Variants in KALRN observed in about 807,000 individuals in gnomAD.
The protein encoded by KALRN is kalirin.
KALRN carries 70 observed loss-of-function variants against 353.7 expected under a neutral mutation model. That is an observed-to-expected ratio of 0.20 (90% confidence interval 0.16 to 0.24). KALRN has a LOEUF of 0.24. Ranked by LOEUF, KALRN falls within the 10% of genes least tolerant of loss-of-function variation. KALRN has a pLI of 1.00. For synonymous variants in KALRN, 1,391 were observed against 1,434.8 expected (o/e 0.97, Z 0.69); for missense variants, 2,791 against 3,756.7 (o/e 0.74, Z 6.72).
rs1039008684 is a variant in KALRN, at chr3:124,527,090, G to T, written c.4935+30677G>T. ...ACATGTTATGGTGAAAAATAAAGCT[G>T]CAAAGGAATGTAGGGAGTGCAGGAG... On this transcript the variant is annotated intron_variant, in intron 33 of 59. Coordinates refer to ENST00000682506, the MANE Select transcript of KALRN (RefSeq NM_001388419.1). Among the ~76,000 whole-genome samples the T allele has an allele frequency of 5.3e-5, 8 of 152,278 alleles. No homozygotes were observed. In the Middle Eastern group the frequency reaches 0.02, roughly 388 times the overall value.
chr3:124,588,039 AGAT>A (rs34835387), intron 34 of KALRN, among the ~76,000 whole-genome samples: 44,967 of 151,762 alleles, frequency 0.3, 7,364 homozygotes, highest in Middle Eastern at 0.4. Context: ...GTTTGATGAA[AGAT>A]GATTTTTCTT....
chr3:124,136,960 G>A (rs1003224500), intron 1 of KALRN, among the ~76,000 whole-genome samples: 2 of 152,168 alleles, frequency 1.3e-5, no homozygotes, highest in East Asian at 1.9e-4. Context: ...GAGCAGACCC[G>A]GATGATTAGG....
intron 10 of KALRN, among the ~76,000 whole-genome samples, chr3:124,364,643 C>G (rs1306642489): frequency 6.6e-6 from 1 of 152,166 alleles, no homozygotes; most frequent in Admixed American, 6.5e-5. Context: ...AAGCAAATCT[C>G]CCAATCCAGC....
At chr3:124,421,103 C>G (rs2092759811) in intron 14 of KALRN, among the ~76,000 whole-genome samples, 1 of 152,112 alleles carries the variant, frequency 6.6e-6, no homozygotes, top group Admixed American at 6.6e-5. Flanking sequence ...TGCATTGGGT[C>G]TAGATTGTTG....
intron 7 of KALRN, among the ~76,000 whole-genome samples, chr3:124,327,966 T>C (rs879309498): frequency 1.3e-5 from 2 of 152,198 alleles, no homozygotes; most frequent in Admixed American, 1.3e-4. Context: ...GAGCTAATCA[T>C]AAATGGCACA....
chr3:124,068,514 G>A (rs1042772354), intron 1 of KALRN, among the ~76,000 whole-genome samples: 5 of 152,178 alleles, frequency 3.3e-5, no homozygotes, highest in Admixed American at 2.6e-4. Context: ...AATCTTTAGA[G>A]TTCATCTAGC....
At chr3:124,642,799 A>G (rs1039189349) in intron 37 of KALRN, among the ~76,000 whole-genome samples, 17 of 78,974 alleles carry the variant, frequency 2.2e-4, no homozygotes, top group Non-Finnish European at 7.1e-5. Flanking sequence ...AGAGATTCCC[A>G]AGCCTCGTTT....
At chr3:124,694,230 A>C (rs1216062723) in intron 52 of KALRN, 102 bp from the exon 53 acceptor site, 19 of 1,130,456 alleles carry the variant, frequency 1.7e-5, no homozygotes, top group Non-Finnish European at 2.3e-5. Context: ...TTGAATCATT[A>C]CATGACATGG....
At chr3:124,668,785 C>T (rs1235545123) in intron 47 of KALRN, among the ~76,000 whole-genome samples, 1 of 152,144 alleles carries the variant, frequency 6.6e-6, no homozygotes, top group Non-Finnish European at 1.5e-5. Context: ...CTTATGATTT[C>T]TGAATATAAT....
rs2069140899 is a variant in KALRN at position 124,157,288 on chromosome 3, C to T, written c.74-70702C>T. On this transcript the variant is annotated intron_variant, in intron 1 of 59. Coordinates refer to ENST00000682506, the MANE Select transcript of KALRN (RefSeq NM_001388419.1). ...GCAGTGGTGGAATAGGGTCCTGAAT[C>T]TCCAGACCCTCAGTCTGGGGCTCTT... Among the ~76,000 whole-genome samples the T allele has an allele frequency of 3.3e-5, 5 of 152,232 alleles. No homozygotes were observed. The South Asian group carries it at 1.0e-3, about 31-fold the overall frequency.
At chr3:124,195,394 T>C (rs577510088) in intron 1 of KALRN, among the ~76,000 whole-genome samples, 1 of 152,308 alleles carries the variant, frequency 6.6e-6, no homozygotes, top group African/African-American at 2.4e-5. Context: ...GTACAAGTAC[T>C]TTGTTACTGG....
intron 12 of KALRN, among the ~76,000 whole-genome samples, chr3:124,397,588 C>T (rs2090319342): frequency 6.6e-6 from 1 of 152,188 alleles, no homozygotes; most frequent in African/African-American, 2.4e-5. Context: ...AGGGCTCTAG[C>T]TTACTCAAGG....
chr3:124,518,478 T>C, intron 33 of KALRN: 1 of 1,614,014 alleles, frequency 6.2e-7, no homozygotes, highest in South Asian at 1.1e-5. Flanking sequence ...ATCCTGGGAC[T>C]TGTCCCTGCA....
chr3:124,508,194 A>G (rs956376189), intron 33 of KALRN, among the ~76,000 whole-genome samples: 3 of 152,228 alleles, frequency 2.0e-5, no homozygotes, highest in Non-Finnish European at 4.4e-5. Flanking sequence ...GAACAATTTA[A>G]TGGATAATTA....
chr3:124,667,738 G>A (rs181118358), intron 47 of KALRN, among the ~76,000 whole-genome samples: 1 of 152,318 alleles, frequency 6.6e-6, no homozygotes, highest in Non-Finnish European at 1.5e-5. Flanking sequence ...GAAAATTTGT[G>A]GTTACACAGA....
intron 33 of KALRN, among the ~76,000 whole-genome samples, chr3:124,503,661 A>G (rs1041162022): frequency 5.3e-5 from 8 of 152,190 alleles, no homozygotes; most frequent in Admixed American, 5.2e-4. Context: ...CTCACCTCCC[A>G]GAAGCACAAC....
At chr3:124,151,971 T>G in intron 1 of KALRN, 4 of 1,397,054 alleles carry the variant, frequency 2.9e-6, no homozygotes, top group Non-Finnish European at 4.0e-6. Flanking sequence ...TAGTTCATTC[T>G]AATAAGCCTG....
intron 33 of KALRN, among the ~76,000 whole-genome samples, chr3:124,514,213 C>T (rs1223865308): frequency 2.6e-5 from 4 of 152,116 alleles, no homozygotes; most frequent in Non-Finnish European, 5.9e-5. Flanking sequence ...TTTTTAAAAC[C>T]AGTTAATATA....
chr3:124,058,135 A>G (rs2041713324), intron 1 of KALRN, among the ~76,000 whole-genome samples: 1 of 152,192 alleles, frequency 6.6e-6, no homozygotes, highest in Non-Finnish European at 1.5e-5. Context: ...ACCTGCCCCC[A>G]TAATTCAGTC....
Sources: allele counts gnomAD v4.1 joint callset (sites outside exome capture counted in the v4.1 genomes callset), GRCh38; gene constraint gnomAD v4.1.1; transcripts MANE v1.5; gene names NCBI Gene and HGNC (gene_info 2026-07-23, HGNC 2026-07-21).